PLEKHM3: variants seen among roughly 807,000 people sequenced by gnomAD.
The protein encoded by PLEKHM3 is pleckstrin homology domain containing M3, also known as pleckstrin homology domain-containing family M member 3.
A neutral mutation model predicts 81.8 loss-of-function variants in PLEKHM3; 45 were observed. The observed-to-expected ratio is 0.55, with a 90% CI of 0.43 to 0.71. The LOEUF is 0.71. Ranked by LOEUF, PLEKHM3 falls within the 30% of genes least tolerant of loss-of-function variation. PLEKHM3 has a pLI of 0.00. For missense variants in PLEKHM3, 788 were observed against 924.3 expected, an observed-to-expected ratio of 0.85 and a Z score of 1.91; for synonymous variants, 352 against 356.4, an observed-to-expected ratio of 0.99 and a Z score of 0.14.
chr2:207,873,178 G>A (rs1182049457), intron 6 of PLEKHM3, among the ~76,000 whole-genome samples: 2 of 152,078 alleles, frequency 1.3e-5, no homozygotes, highest in African/African-American at 4.8e-5. Flanking sequence ...TGGTTCTGTG[G>A]CAATTTTTTT....
rs554805161 is a variant in PLEKHM3 at position 207,996,376 on chromosome 2, A to T, written c.610+4654T>A. Among the ~76,000 whole-genome samples the T allele has an allele frequency of 2.0e-5, 3 of 152,246 alleles. No individual in the cohort carries two copies. In the South Asian group the frequency reaches 6.2e-4, roughly 32 times the overall value. ...GGATGTCAGAAAAGAGGGTGGAGTC[A>T]TTTTTTCTAGAAAGACACAAACCAG... On this transcript the variant is annotated intron_variant, in intron 2 of 7. Coordinates refer to ENST00000427836, the MANE Select transcript of PLEKHM3 (RefSeq NM_001080475.3).
intron 6 of PLEKHM3, among the ~76,000 whole-genome samples, chr2:207,883,280 C>A (rs941937284): frequency 1.3e-5 from 2 of 152,184 alleles, no homozygotes; most frequent in African/African-American, 4.8e-5. Flanking sequence ...GGCCTTAGAT[C>A]TGTTTTGACT....
intron 7 of PLEKHM3, among the ~76,000 whole-genome samples, chr2:207,838,726 G>A (rs529583448): frequency 9.8e-4 from 149 of 152,160 alleles, no homozygotes; most frequent in African/African-American, 3.4e-3. Flanking sequence ...TATAATTCTC[G>A]AGAAACAAAT....
intron 1 of PLEKHM3, among the ~76,000 whole-genome samples, chr2:208,015,774 C>T (rs1450552946): frequency 6.6e-6 from 1 of 152,194 alleles, no homozygotes; most frequent in African/African-American, 2.4e-5. Context: ...AATAGAAACA[C>T]TTGTAAAAAT....
chr2:207,994,673 A>G (rs569302172), intron 2 of PLEKHM3, among the ~76,000 whole-genome samples: 2 of 152,290 alleles, frequency 1.3e-5, no homozygotes, highest in South Asian at 4.1e-4. Context: ...TTTGGTGTCC[A>G]CCATCTACCT....
intron 7 of PLEKHM3, among the ~76,000 whole-genome samples, chr2:207,848,929 A>C (rs2092398215): frequency 6.6e-6 from 1 of 152,228 alleles, no homozygotes; most frequent in African/African-American, 2.4e-5. Context: ...CTGACAAAAT[A>C]GATTTTAAAA....
intron 5 of PLEKHM3, among the ~76,000 whole-genome samples, chr2:207,922,334 T>C (rs1689210154): frequency 6.6e-6 from 1 of 152,238 alleles, no homozygotes; most frequent in Non-Finnish European, 1.5e-5. Flanking sequence ...ACTTTGTGAC[T>C]AATGAAATCA....
At chr2:207,958,358 C>T (rs949363280) in intron 3 of PLEKHM3, among the ~76,000 whole-genome samples, 3 of 152,160 alleles carry the variant, frequency 2.0e-5, no homozygotes, top group African/African-American at 7.2e-5. Context: ...AAAACAAGTG[C>T]ATAAACAGGG....
At chr2:207,918,100 C>G (rs17537430) in intron 5 of PLEKHM3, among the ~76,000 whole-genome samples, 3,794 of 152,272 alleles carry the variant, frequency 0.025, 57 homozygotes, top group Admixed American at 0.034. Context: ...CTTCCAAGAT[C>G]AATAACATGT....
At chr2:207,934,597 C>T (rs1308018902) in intron 4 of PLEKHM3, among the ~76,000 whole-genome samples, 2 of 152,090 alleles carry the variant, frequency 1.3e-5, no homozygotes, top group African/African-American at 2.4e-5. Context: ...ACAACCCTGC[C>T]ATCTACATGA....
chr2:207,886,483 T>C (rs142375025), intron 6 of PLEKHM3, among the ~76,000 whole-genome samples: 1 of 152,360 alleles, frequency 6.6e-6, no homozygotes, highest in Admixed American at 6.5e-5. Context: ...TAATGCTTTA[T>C]TTAAATCGAG....
At chr2:207,889,224 C>T (rs1487193187) in intron 6 of PLEKHM3, among the ~76,000 whole-genome samples, 1 of 152,072 alleles carries the variant, frequency 6.6e-6, no homozygotes, top group East Asian at 1.9e-4. Context: ...GGTGAACAAC[C>T]CAGACAAGGC....
chr2:207,928,134 T>C (rs1468292778), intron 5 of PLEKHM3, among the ~76,000 whole-genome samples: 1 of 152,204 alleles, frequency 6.6e-6, no homozygotes, highest in Non-Finnish European at 1.5e-5. Context: ...AACAATATTT[T>C]AACAACATGT....
chr2:207,885,085 T>C (rs1687846763), intron 6 of PLEKHM3, among the ~76,000 whole-genome samples: 1 of 152,198 alleles, frequency 6.6e-6, no homozygotes, highest in Non-Finnish European at 1.5e-5. Context: ...ACTGCAGAGT[T>C]AGTAAAATAA....
chr2:207,828,600 C>T (rs2092266585), intron 7 of PLEKHM3, 104 bp from the exon 8 acceptor site: 2 of 1,059,604 alleles, frequency 1.9e-6, no homozygotes, highest in South Asian at 1.6e-5. Context: ...ATCTACTGTT[C>T]TGGACAACCC....
intron 3 of PLEKHM3, among the ~76,000 whole-genome samples, chr2:207,961,616 G>C (rs1053577205): frequency 1.3e-5 from 2 of 152,128 alleles, no homozygotes; most frequent in African/African-American, 4.8e-5. Context: ...TTTTAGCCAA[G>C]ATTTAAGAAG....
chr2:207,861,351 A>G, intron 6 of PLEKHM3, 89 bp from the exon 7 acceptor site: 1 of 1,291,206 alleles, frequency 7.7e-7, no homozygotes, highest in Non-Finnish European at 1.1e-6. Flanking sequence ...CCTTTCCTTT[A>G]CACAACAGGA....
At chr2:207,865,781 C>CAAA (rs71412445) in intron 6 of PLEKHM3, among the ~76,000 whole-genome samples, 93 of 3,788 alleles carry the variant, frequency 0.025, 15 homozygotes, top group Admixed American at 0.037. Context: ...AACTCCGACT[C>CAAA]AAAAAAAAAA....
chr2:208,011,785 CTTTTTTTTTTTT>C (rs1177948830), intron 1 of PLEKHM3, among the ~76,000 whole-genome samples: 12 of 79,992 alleles, frequency 1.5e-4, no homozygotes, highest in Admixed American at 6.1e-4. Flanking sequence ...CTCTGATAAA[CTTTTTTTTTTTT>C]TTTTTTTTTT....
Sources: allele counts gnomAD v4.1 joint callset (sites outside exome capture counted in the v4.1 genomes callset), GRCh38; gene constraint gnomAD v4.1.1; transcripts MANE v1.5; gene names NCBI Gene and HGNC (gene_info 2026-07-23, HGNC 2026-07-21).